Variants in LYRM9 observed in about 807,000 individuals in gnomAD.
LYRM9 encodes LYR motif-containing protein 9.
In LYRM9, 14 loss-of-function variants were observed where a neutral mutation model predicts 12.6. That is an observed-to-expected ratio of 1.11 (90% CI 0.73 to 1.73). The LOEUF is 1.73. Ranked by LOEUF, LYRM9 falls within the 40% of genes most tolerant of loss-of-function variation. LYRM9 has a pLI of 0.00. For synonymous variants in LYRM9, 42 were observed against 35.1 expected, an observed-to-expected ratio of 1.20 and a Z score of -0.69; for missense variants, 94 against 95.0, an observed-to-expected ratio of 0.99 and a Z score of 0.04.
intron 3 of LYRM9, 198 bp downstream of exon 3, chr17:27,880,076 C>T: frequency 1.4e-6 from 1 of 702,436 alleles, no homozygotes; most frequent in South Asian, 1.5e-5. Flanking sequence ...AGAGCCCCTC[C>T]CCACTTGCAG....
chr17:27,891,507 T>C (rs1405687900), intron 1 of LYRM9, among the ~76,000 whole-genome samples: 1 of 152,208 alleles, frequency 6.6e-6, no homozygotes, highest in Non-Finnish European at 1.5e-5. Flanking sequence ...TTATTGTTAA[T>C]ACCATCTCTG....
Position 27,879,470 on chromosome 17 carries a change from C to G in LYRM9, c.*3G>C, listed in dbSNP as rs774663343. 1 of 1,551,552 alleles carries G rather than the reference C, an allele frequency of 6.4e-7. No individual in the cohort carries two copies. The highest frequency in any genetic ancestry group is 1.2e-5 in the South Asian group (1 of 84,006). ...AGGCCAGGAAGGCTCACCCTCGGAG[C>G]TCTCAGTTTTGTTTTTTATACTGCA... is the stretch of plus-strand genomic sequence containing the variant. On this transcript the variant is annotated 3_prime_UTR_variant, in exon 4 of 4. Coordinates refer to ENST00000379102, the MANE Select transcript of LYRM9 (RefSeq NM_001076680.3).
intron 2 of LYRM9, chr17:27,881,066 C>T (rs1905034487): frequency 6.6e-6 from 1 of 152,006 alleles, no homozygotes; most frequent in African/African-American, 2.4e-5. Context: ...TGATAAACCC[C>T]ATCTCTACTA....
rs1264905629 is a variant in LYRM9, at chr17:27,886,400, C to T, written c.-18-3688G>A. Among the ~76,000 whole-genome samples the T allele has an allele frequency of 2.0e-5, 3 of 152,186 alleles. No homozygotes were observed. Reference sequence around the variant, plus strand: ...TAATTTAATTTAAAGCGTAGGTTTGCTATTATTTAAGGGGCAATGAACCTC... The same window carrying T: ...TAATTTAATTTAAAGCGTAGGTTTGTTATTATTTAAGGGGCAATGAACCTC... On this transcript the variant is annotated intron_variant, in intron 1 of 3. Coordinates refer to ENST00000379102, the MANE Select transcript of LYRM9 (RefSeq NM_001076680.3). This position sits in a 1 kb window ranked among gnomAD's most constrained non-coding sequence, Gnocchi z 4.8.
At chr17:27,889,690 C>T (rs1367576514) in intron 1 of LYRM9, among the ~76,000 whole-genome samples, 3 of 152,170 alleles carry the variant, frequency 2.0e-5, no homozygotes, top group Admixed American at 2.0e-4. Context: ...TTAGGGGGGT[C>T]TGTTATATCA....
At position 27,878,866 on chromosome 17, in the gene LYRM9, G is replaced by A. The variant is rs1195879959; in HGVS notation, c.*607C>T. 1.3e-5 allele frequency: 2 copies of A among 152,848 alleles called. No homozygotes were observed. The highest frequency in any genetic ancestry group is 2.9e-5 in the Non-Finnish European group (2 of 68,312). 9.5% of individuals were successfully genotyped at this position (152,848 alleles called of 1,614,324 possible). A position where few individuals can be genotyped will look rare whatever the true frequency, so the allele number is the denominator to read the frequency against. ...TGAGGGCTCAGGGGCTACAAGCAGG[G>A]ACAGGGCAAGCTCGCAAACAAAAAA... On this transcript the variant is annotated 3_prime_UTR_variant, in exon 4 of 4. Transcript: ENST00000379102.
Position 27,882,586 on chromosome 17 carries a change from T to C in LYRM9, c.109A>G (p.Lys37Glu). Residue 37 changes from lysine to glutamate, a missense_variant, in exon 2 of 4, where the codon AAG (lysine) becomes GAG (glutamate). Lys to Glu is a moderately conservative substitution (Grantham distance 56, BLOSUM62 1). Transcript: ENST00000379102. Reference protein sequence around the residue: ...LPTKGIQQHYKHAVRQSFRVH... With the variant: ...LPTKGIQQHYEHAVRQSFRVH... ...GCTCGCACCTGCCTGACAGCATGCT[T>C]GTAATGCTGCTGGATGCCCTTGGTC... 6.3e-7 allele frequency: 1 copy of C among 1,595,402 alleles called. No homozygotes were observed. Among genetic ancestry groups the C allele is most frequent in the African/African-American group, 1.3e-5 (1 of 74,634 alleles).
intron 3 of LYRM9, chr17:27,879,839 C>G: frequency 1.8e-6 from 1 of 562,742 alleles, no homozygotes; most frequent in Non-Finnish European, 3.1e-6. Flanking sequence ...ATTCCTGACT[C>G]ACTCCCTTCC....
Position 27,882,654 on chromosome 17 carries a change from A to C in LYRM9, c.41T>G (p.Leu14Arg). 6.2e-7 allele frequency: 1 copy of C among 1,603,936 alleles called. No homozygotes were observed. The highest frequency in any genetic ancestry group is 1.1e-5 in the South Asian group (1 of 88,908). The change falls in exon 2 of 4, where the codon CTG becomes CGG. Residue 14 changes from leucine (L) to arginine (R), a missense_variant. Leu to Arg is a moderately radical substitution (Grantham distance 102, BLOSUM62 -2). Coordinates refer to ENST00000379102, the MANE Select transcript of LYRM9 (RefSeq NM_001076680.3). ...GCGCAGCAAGTATCGGTAGAGCTGC[A>C]GTGGCCTCCGAACCAGTTCTGCTCC... The part of the protein sequence containing the change: ...LPGAELVRRP[L>R]QLYRYLLRCC...
intron 1 of LYRM9, among the ~76,000 whole-genome samples, chr17:27,884,126 T>C (rs1567664017): frequency 6.6e-6 from 1 of 152,002 alleles, no homozygotes; most frequent in Non-Finnish European, 1.5e-5. Context: ...CTCTCTTTTG[T>C]GTCTACAGAA....
chr17:27,878,828 T>C lies in LYRM9; in HGVS notation c.*645A>G, dbSNP rs1410060671. 6.6e-6 allele frequency: 1 copy of C among 152,360 alleles called. No individual in the cohort carries two copies. Among genetic ancestry groups the C allele is most frequent in the Non-Finnish European group, 1.5e-5 (1 of 68,162 alleles). The allele number at this position is 152,360 out of a possible 1,614,324, so 9.4% of individuals were successfully genotyped here. On this transcript the variant is annotated 3_prime_UTR_variant, in exon 4 of 4. Coordinates refer to ENST00000379102, the MANE Select transcript of LYRM9 (RefSeq NM_001076680.3). ...AGCAGCTCCTTGGCAGACTGCTGGGTGTGTGACAACTGTGAGGGCTCAGGG... is the reference window on the plus strand; with the variant it reads ...AGCAGCTCCTTGGCAGACTGCTGGGCGTGTGACAACTGTGAGGGCTCAGGG...
At chr17:27,881,453 A>G (rs1205239978) in intron 2 of LYRM9, among the ~76,000 whole-genome samples, 1 of 144,006 alleles carries the variant, frequency 6.9e-6, no homozygotes, top group African/African-American at 2.6e-5. Flanking sequence ...TTTTTTTTTT[A>G]CTTTCCATAT....
In LYRM9 at chr17:27,886,018, G is replaced by A. The variant is rs926537761; in HGVS notation, c.-18-3306C>T. Among the ~76,000 whole-genome samples, 7 of 152,082 alleles carry A rather than the reference G, an allele frequency of 4.6e-5. No homozygotes were observed. The highest frequency in any genetic ancestry group is 2.1e-4 in the South Asian group (1 of 4,814). On this transcript the variant is annotated intron_variant, in intron 1 of 3. Transcript: ENST00000379102. This position sits in a 1 kb window ranked among gnomAD's most constrained non-coding sequence, Gnocchi z 4.8. ...CCACCCAGAAATCAGAGGGGAACCC[G>A]TTCAAGGGTGGCCAAGACCATCAGG...
At chr17:27,889,301 TTTC>T (rs1905342108) in intron 1 of LYRM9, among the ~76,000 whole-genome samples, 1 of 151,624 alleles carries the variant, frequency 6.6e-6, no homozygotes, top group Non-Finnish European at 1.5e-5. Flanking sequence ...CTGCTCTTTT[TTTC>T]TTTTTTCTTT....
At chr17:27,887,056 A>C (rs976564914) in intron 1 of LYRM9, among the ~76,000 whole-genome samples, 1 of 152,134 alleles carries the variant, frequency 6.6e-6, no homozygotes, top group African/African-American at 2.4e-5. Flanking sequence ...TCTCTGAGAC[A>C]ACTGCAACAG....
rs752154059 is a variant in LYRM9 at position 27,880,097 on chromosome 17, C to G, written c.219+177G>C. 4.8e-5 allele frequency: 34 copies of G among 706,904 alleles called. 1 individual carries two copies. Among genetic ancestry groups the G allele is most frequent in the Non-Finnish European group, 1.5e-5 (6 of 389,298 alleles). 43.8% of individuals were successfully genotyped at this position (706,904 alleles called of 1,614,324 possible). The stretch of plus-strand genomic sequence containing the variant: ...CCTCCCCACTTGCAGAATATAAATG[C>G]AACCAGAAGGGATTTGTCTTCACCT... On this transcript the variant is annotated intron_variant, in intron 3 of 3. Transcript: ENST00000379102.
In LYRM9 at chr17:27,888,275, G is replaced by A. The variant is rs1905301228; in HGVS notation, c.-19+5042C>T. Among the ~76,000 whole-genome samples, 4 of 152,112 alleles carry A rather than the reference G, an allele frequency of 2.6e-5. No individual in the cohort carries two copies. In the South Asian group the frequency reaches 8.3e-4, roughly 32 times the overall value. ...CCTCCTCAGTGCCACCATGCTCAGT[G>A]GGAGGCCTGTGGTTACCTTGAAACA... On this transcript the variant is annotated intron_variant, in intron 1 of 3. Coordinates refer to ENST00000379102, the MANE Select transcript of LYRM9 (RefSeq NM_001076680.3).
chr17:27,892,623 T>C (rs1905495552), intron 1 of LYRM9: 1 of 321,868 alleles, frequency 3.1e-6, no homozygotes, highest in Non-Finnish European at 6.1e-6. Context: ...AGTACATTGG[T>C]GGTTGCCTAG....
Position 27,883,794 on chromosome 17 carries a change from T to C in LYRM9, c.-18-1082A>G, listed in dbSNP as rs1188497133. Among the ~76,000 whole-genome samples the C allele has an allele frequency of 4.6e-5, 6 of 129,746 alleles. No homozygotes were observed. The South Asian group carries it at 1.2e-3, about 26-fold the overall frequency. The allele number at this position is 129,746 out of a possible 152,430, so 85.1% of individuals were successfully genotyped here. Reference sequence around the variant, plus strand: ...ATCACACAGCTAATAAAGCTGGAGCTTGGATTTGAACTCTGGCAGTCTGGC... The same window carrying C: ...ATCACACAGCTAATAAAGCTGGAGCCTGGATTTGAACTCTGGCAGTCTGGC... On this transcript the variant is annotated intron_variant, in intron 1 of 3. Transcript: ENST00000379102.
Sources: gnomAD v4.1 joint callset for allele counts (sites outside exome capture counted in the v4.1 genomes callset) on GRCh38, gnomAD v4.1.1 for gene constraint, Gnocchi (gnomAD v3.1) non-coding constraint, MANE v1.5 for transcripts, NCBI Gene and HGNC (gene_info 2026-07-23, HGNC 2026-07-21) for gene names.